The following KIAA1217 variants were observed in gnomAD, a reference collection of about 807,000 sequenced individuals.
The protein encoded by KIAA1217 is KIAA1217, also known as sickle tail protein homolog.
In KIAA1217, 88 loss-of-function variants were observed where a neutral mutation model predicts 163.9. The observed-to-expected ratio is 0.54, with a 90% CI of 0.45 to 0.64. The LOEUF (loss-of-function observed/expected upper bound fraction) is 0.64. Among genes scored for constraint, KIAA1217 ranks in the 30% least tolerant of loss-of-function variants. KIAA1217 has a pLI of 0.00. For missense variants in KIAA1217, 2,372 were observed against 2,475.0 expected, an observed-to-expected ratio of 0.96 and a Z score of 0.88; for synonymous variants, 903 against 923.1, an observed-to-expected ratio of 0.98 and a Z score of 0.39.
At chr10:23,775,691 T>C (rs1834980059) in intron 1 of KIAA1217, among the ~76,000 whole-genome samples, 1 of 152,366 alleles carries the variant, frequency 6.6e-6, no homozygotes, top group Admixed American at 6.5e-5. Context: ...TCACTTATGA[T>C]GGACTATACC....
intron 2 of KIAA1217, among the ~76,000 whole-genome samples, chr10:24,172,472 C>G (rs1024328954): frequency 6.6e-6 from 1 of 152,134 alleles, no homozygotes; most frequent in African/African-American, 2.4e-5. Context: ...GGGTCTTGAC[C>G]GCAGTGCATC....
chr10:24,411,935 T>C (rs1462586489), intron 3 of KIAA1217, among the ~76,000 whole-genome samples: 2 of 152,060 alleles, frequency 1.3e-5, no homozygotes, highest in South Asian at 2.1e-4. Flanking sequence ...CAGCCAAGCA[T>C]ACCACCGAGG....
At chr10:23,790,875 C>T (rs1209509683) in intron 1 of KIAA1217, among the ~76,000 whole-genome samples, 2 of 151,858 alleles carry the variant, frequency 1.3e-5, no homozygotes, top group Non-Finnish European at 2.9e-5. Context: ...GCTGGGACTA[C>T]AGGGATGTGC....
Position 24,547,000 on chromosome 10 carries a change from G to C in KIAA1217, c.*676G>C, listed in dbSNP as rs1450549913. On this transcript the variant is annotated 3_prime_UTR_variant, in exon 21 of 21. Coordinates refer to ENST00000376454, the MANE Select transcript of KIAA1217 (RefSeq NM_019590.5). Reference sequence around the variant, plus strand: ...CCATGAAAAGTGTGTATAATAATTTGCTAGCCCAAGCAAGCTAGTTTTCTT... The same window carrying C: ...CCATGAAAAGTGTGTATAATAATTTCCTAGCCCAAGCAAGCTAGTTTTCTT... 1 of 151,148 alleles carries C rather than the reference G, an allele frequency of 6.6e-6. No individual in the cohort carries two copies. The highest frequency in any genetic ancestry group is 1.5e-5 in the Non-Finnish European group (1 of 67,776). The allele number at this position is 151,148 out of a possible 1,614,324, so 9.4% of individuals were successfully genotyped here.
intron 1 of KIAA1217, among the ~76,000 whole-genome samples, chr10:23,901,422 A>G (rs962679602): frequency 3.3e-5 from 5 of 152,122 alleles, no homozygotes; most frequent in Admixed American, 6.6e-5. Context: ...TCAGAAAATA[A>G]AATATACTGA....
intron 2 of KIAA1217, among the ~76,000 whole-genome samples, chr10:24,172,027 T>C (rs570967944): frequency 1.1e-4 from 16 of 152,248 alleles, no homozygotes; most frequent in South Asian, 4.1e-4. Flanking sequence ...GGCTTAGACA[T>C]GGCAAATGGC....
At chr10:24,132,711 G>T (rs1251479528) in intron 2 of KIAA1217, among the ~76,000 whole-genome samples, 1 of 152,150 alleles carries the variant, frequency 6.6e-6, no homozygotes, top group East Asian at 1.9e-4. Flanking sequence ...TGAAACATTT[G>T]TCAGCATAAA....
At chr10:23,961,336 G>A (rs1421652592) in intron 1 of KIAA1217, among the ~76,000 whole-genome samples, 1 of 152,094 alleles carries the variant, frequency 6.6e-6, no homozygotes, top group African/African-American at 2.4e-5. Context: ...ATTTGAAATG[G>A]CACCAAGAAA....
intron 2 of KIAA1217, among the ~76,000 whole-genome samples, chr10:24,106,855 T>TTTGGTTGG (rs72182311): frequency 2.0e-5 from 3 of 152,110 alleles, no homozygotes; most frequent in Non-Finnish European, 4.4e-5. Flanking sequence ...TGTTGTGTTG[T>TTTGGTTGG]TTGGTTGGTT....
chr10:24,127,077 A>G (rs763735173), intron 2 of KIAA1217, among the ~76,000 whole-genome samples: 3 of 152,200 alleles, frequency 2.0e-5, no homozygotes, highest in Non-Finnish European at 2.9e-5. Flanking sequence ...CTTTAAGAAA[A>G]AGAAAAAGCA....
chr10:24,024,178 G>A (rs1300750493), intron 2 of KIAA1217, among the ~76,000 whole-genome samples: 1 of 151,520 alleles, frequency 6.6e-6, no homozygotes, highest in African/African-American at 2.4e-5. Flanking sequence ...ATTCACAAAT[G>A]TTAAATATAC....
chr10:24,365,072 T>G (rs1275641343), intron 2 of KIAA1217, among the ~76,000 whole-genome samples: 1 of 152,176 alleles, frequency 6.6e-6, no homozygotes, highest in African/African-American at 2.4e-5. Flanking sequence ...CCCAAAGTGC[T>G]GGGGTTACAG....
intron 1 of KIAA1217, among the ~76,000 whole-genome samples, chr10:23,822,973 T>A (rs1837696106): frequency 6.6e-6 from 1 of 152,246 alleles, no homozygotes; most frequent in Non-Finnish European, 1.5e-5. Context: ...GTTATTAACC[T>A]ATGTGTCCCC....
chr10:23,944,516 A>G (rs1455816752), intron 1 of KIAA1217, among the ~76,000 whole-genome samples: 1 of 152,172 alleles, frequency 6.6e-6, no homozygotes, highest in African/African-American at 2.4e-5. Context: ...TAAACAGTTG[A>G]AAAATACTTG....
intron 1 of KIAA1217, among the ~76,000 whole-genome samples, chr10:23,928,387 C>A (rs1465405659): frequency 6.6e-6 from 1 of 152,160 alleles, no homozygotes; most frequent in Non-Finnish European, 1.5e-5. Context: ...TTTTCCGTGG[C>A]ATGATAGATC....
At chr10:23,757,030 T>C (rs1445518182) in intron 1 of KIAA1217, among the ~76,000 whole-genome samples, 2 of 152,242 alleles carry the variant, frequency 1.3e-5, no homozygotes, top group African/African-American at 4.8e-5. Context: ...GTTTCATCCA[T>C]GTCATAGCAC....
intron 1 of KIAA1217, among the ~76,000 whole-genome samples, chr10:23,741,883 A>T (rs542892594): frequency 6.6e-6 from 1 of 152,346 alleles, no homozygotes; most frequent in South Asian, 2.1e-4. Flanking sequence ...AGAATGAAAC[A>T]AGTGATGGGA....
chr10:24,237,484 C>A (rs897894967), intron 2 of KIAA1217, among the ~76,000 whole-genome samples: 1 of 152,178 alleles, frequency 6.6e-6, no homozygotes, highest in Non-Finnish European at 1.5e-5. Context: ...CTTTTCCAAG[C>A]CTGAATTCAA....
rs78833206 is a variant in KIAA1217, at chr10:24,224,087, T to C, written c.354+4178T>C. On this transcript the variant is annotated intron_variant, in intron 2 of 20. Coordinates refer to ENST00000376454, the MANE Select transcript of KIAA1217 (RefSeq NM_019590.5). Reference sequence around the variant, plus strand: ...TGAAAGGCTAAGAGGTCACCTTAACTCCCTTCTACAGTCTTCAAAAAATGC... The same window carrying C: ...TGAAAGGCTAAGAGGTCACCTTAACCCCCTTCTACAGTCTTCAAAAAATGC... 2.7e-3 allele frequency among the ~76,000 whole-genome samples: 415 copies of C among 152,248 alleles called. 4 individuals carry two copies. Among genetic ancestry groups the C allele is most frequent in the African/African-American group, 9.2e-3 (382 of 41,568 alleles).
Sources: gnomAD v4.1 joint callset for allele counts (sites outside exome capture counted in the v4.1 genomes callset) on GRCh38, gnomAD v4.1.1 for gene constraint, MANE v1.5 for transcripts, NCBI Gene and HGNC (gene_info 2026-07-23, HGNC 2026-07-21) for gene names.